The following SLA2 variants were observed in gnomAD, a reference collection of about 807,000 sequenced individuals.
SLA2 encodes Src like adaptor 2.
A neutral mutation model predicts 27.3 loss-of-function variants in SLA2; 22 were observed. The ratio of observed to expected loss-of-function variants is 0.81; its 90% confidence interval spans 0.58 to 1.15. The LOEUF (loss-of-function observed/expected upper bound fraction) is 1.15, where lower values mean the gene tolerates loss of function less well. Ranked by LOEUF, SLA2 falls within the 50% of genes most tolerant of loss-of-function variation. The probability of loss-of-function intolerance (pLI) is 0.00; values close to 1 mark genes in which losing one functional copy is unlikely to be tolerated. For synonymous variants in SLA2, 131 were observed against 137.8 expected, an observed-to-expected ratio of 0.95 and a Z score of 0.34; for missense variants, 304 against 322.2, an observed-to-expected ratio of 0.94 and a Z score of 0.43.
chr20:36,645,388 T>C (rs973558691), intron 1 of SLA2, among the ~76,000 whole-genome samples: 2 of 151,674 alleles, frequency 1.3e-5, no homozygotes, highest in Non-Finnish European at 1.5e-5. Flanking sequence ...TGAATTTGGA[T>C]TGAGTTAAAG....
At chr20:36,615,420 C>G in intron 5 of SLA2, 46 bp from the exon 6 acceptor site, 1 of 1,609,712 alleles carries the variant, frequency 6.2e-7, no homozygotes. Context: ...CCTGCTGGGA[C>G]TCGGCCCCAC....
chr20:36,641,366 C>A lies in SLA2; in HGVS notation c.-31G>T, dbSNP rs913927051. ...CTCAGCAGAGCACTCAGAAGCACATCATCGAGGGAAATCTGAAAGAGACAC... is the reference window on the plus strand; with the variant it reads ...CTCAGCAGAGCACTCAGAAGCACATAATCGAGGGAAATCTGAAAGAGACAC... On this transcript the variant is annotated 5_prime_UTR_variant, in exon 2 of 8. It removes an upstream start codon present in the reference 5' UTR. Coordinates refer to ENST00000262866, the MANE Select transcript of SLA2 (RefSeq NM_032214.4). The A allele has an allele frequency of 3.8e-6, 6 of 1,588,926 alleles. No individual in the cohort carries two copies. The highest frequency in any genetic ancestry group is 2.7e-5 in the African/African-American group (2 of 74,456).
chr20:36,616,484 C>G (rs2039213635), intron 5 of SLA2, among the ~76,000 whole-genome samples: 2 of 151,948 alleles, frequency 1.3e-5, no homozygotes, highest in African/African-American at 4.8e-5. Context: ...GCGCCTGCCA[C>G]CACCACGCCC....
At chr20:36,631,128 C>G (rs1235432451) in intron 5 of SLA2, among the ~76,000 whole-genome samples, 2 of 152,178 alleles carry the variant, frequency 1.3e-5, no homozygotes, top group Admixed American at 6.5e-5. Flanking sequence ...TTGGCTGAGC[C>G]TAGATCCCTA....
chr20:36,614,464 A>G (rs374311877), intron 6 of SLA2, 27 bp from the exon 7 acceptor site: 19 of 1,578,692 alleles, frequency 1.2e-5, no homozygotes, highest in Non-Finnish European at 1.5e-5. Flanking sequence ...CATCCCTGAC[A>G]TGACTGACTC....
chr20:36,614,479 C>G (rs1452162216), intron 6 of SLA2, 42 bp from the exon 7 acceptor site: 1 of 1,557,684 alleles, frequency 6.4e-7, no homozygotes, highest in Non-Finnish European at 8.7e-7. Context: ...TGACTCCACC[C>G]TACTTCTCCC....
At chr20:36,634,382 C>A in intron 3 of SLA2, 108 bp downstream of exon 3, 4 of 800,680 alleles carry the variant, frequency 5.0e-6, no homozygotes, top group Non-Finnish European at 8.0e-6. Flanking sequence ...CTCCCGAGCT[C>A]CAGCGATTCT....
intron 5 of SLA2, among the ~76,000 whole-genome samples, chr20:36,617,445 GA>G (rs2039226324): frequency 6.7e-6 from 1 of 148,552 alleles, no homozygotes; most frequent in African/African-American, 2.5e-5. Context: ...GAGGCAGGGG[GA>G]TTGCTTGAGC....
At chr20:36,620,095 A>G (rs2039264794) in intron 5 of SLA2, among the ~76,000 whole-genome samples, 1 of 151,032 alleles carries the variant, frequency 6.6e-6, no homozygotes, top group African/African-American at 2.4e-5. Flanking sequence ...CACCTCAAGA[A>G]AAAATAAAAA....
chr20:36,630,793 A>G (rs528201567), intron 5 of SLA2, among the ~76,000 whole-genome samples: 1 of 152,350 alleles, frequency 6.6e-6, no homozygotes, highest in South Asian at 2.1e-4. Context: ...GGGTCATCAA[A>G]GAGACAATCA....
intron 2 of SLA2, among the ~76,000 whole-genome samples, chr20:36,635,046 C>T (rs1032193072): frequency 6.6e-6 from 1 of 151,990 alleles, no homozygotes; most frequent in South Asian, 2.1e-4. Flanking sequence ...GCCCAGGACA[C>T]GGTGGCCATG....
intron 5 of SLA2, among the ~76,000 whole-genome samples, chr20:36,616,631 C>A (rs1425901905): frequency 3.9e-5 from 6 of 152,052 alleles, no homozygotes; most frequent in Non-Finnish European, 7.4e-5. Flanking sequence ...CCGCGCCCAG[C>A]CAGATTTTAA....
intron 5 of SLA2, among the ~76,000 whole-genome samples, chr20:36,630,308 C>A (rs1486362187): frequency 2.0e-5 from 3 of 152,148 alleles, no homozygotes; most frequent in African/African-American, 7.2e-5. Context: ...AGAGGTCAAC[C>A]CAAGAACGCC....
At chr20:36,625,936 G>A (rs1039972467) in intron 5 of SLA2, among the ~76,000 whole-genome samples, 1 of 151,980 alleles carries the variant, frequency 6.6e-6, no homozygotes, top group South Asian at 2.1e-4. Flanking sequence ...ACTAGCCTGG[G>A]CAACATGGCC....
rs564913087 is a variant in SLA2, at chr20:36,629,095, G to A, written c.382+3500C>T. Among the ~76,000 whole-genome samples, 705 of 146,684 alleles carry A rather than the reference G, an allele frequency of 4.8e-3. 7 individuals are homozygous for A. Among genetic ancestry groups the A allele is most frequent in the Non-Finnish European group, 6.8e-3 (458 of 67,056 alleles). Reference sequence around the variant, plus strand: ...TTTTTTTTTTTTGAGACATAGTCTCGCTTTGTCACCCAGGCTGGAGTGCAG... The same window carrying A: ...TTTTTTTTTTTTGAGACATAGTCTCACTTTGTCACCCAGGCTGGAGTGCAG... On this transcript the variant is annotated intron_variant, in intron 5 of 7. Coordinates refer to ENST00000262866, the MANE Select transcript of SLA2 (RefSeq NM_032214.4).
intron 5 of SLA2, among the ~76,000 whole-genome samples, chr20:36,631,388 A>C (rs2039392249): frequency 6.6e-6 from 1 of 152,224 alleles, no homozygotes; most frequent in Non-Finnish European, 1.5e-5. Flanking sequence ...TTCTGGGCAC[A>C]AGTGATTCTC....
In SLA2 at chr20:36,633,649, G is replaced by C; in HGVS notation, c.192-20C>G. 1 of 1,603,168 alleles carries C rather than the reference G, an allele frequency of 6.2e-7. No individual in the cohort carries two copies. On this transcript the variant is annotated intron_variant, in intron 3 of 7. Coordinates refer to ENST00000262866, the MANE Select transcript of SLA2 (RefSeq NM_032214.4). Reference sequence around the variant, plus strand: ...CCATCCCTGGAGAGAGAAAGGAGTGGGGGCACCTCTTTCAGATGAGCCAAG... The same window carrying C: ...CCATCCCTGGAGAGAGAAAGGAGTGCGGGCACCTCTTTCAGATGAGCCAAG...
rs200793806 is a variant in SLA2 at position 36,616,148 on chromosome 20, C to G, written c.383-774G>C. Among the ~76,000 whole-genome samples, 12 of 152,210 alleles carry G rather than the reference C, an allele frequency of 7.9e-5. No homozygotes were observed. The East Asian group carries it at 1.9e-3, about 24-fold the overall frequency. Reference sequence around the variant, plus strand: ...AAGAAAAGCAACTGAATGATTAACACAGTGAAGCATGAGAGGGGGCTACAA... The same window carrying G: ...AAGAAAAGCAACTGAATGATTAACAGAGTGAAGCATGAGAGGGGGCTACAA... On this transcript the variant is annotated intron_variant, in intron 5 of 7. Coordinates refer to ENST00000262866, the MANE Select transcript of SLA2 (RefSeq NM_032214.4).
At chr20:36,615,006 A>G in intron 6 of SLA2, 2 of 985,118 alleles carry the variant, frequency 2.0e-6, no homozygotes, top group Non-Finnish European at 1.2e-6. Context: ...TACTGACCTG[A>G]GCCTACACAG....
Sources: gnomAD v4.1 joint callset for allele counts (sites outside exome capture counted in the v4.1 genomes callset) on GRCh38, gnomAD v4.1.1 for gene constraint, MANE v1.5 for transcripts, NCBI Gene and HGNC (gene_info 2026-07-23, HGNC 2026-07-21) for gene names.